SCYL3: variants seen among roughly 807,000 people sequenced by gnomAD.
The protein encoded by SCYL3 is SCY1 like pseudokinase 3.
Under a neutral mutation model 73.8 loss-of-function variants are expected in SCYL3, and 35 were observed. The ratio of observed to expected loss-of-function variants is 0.47; its 90% CI spans 0.36 to 0.63. The LOEUF (loss-of-function observed/expected upper bound fraction) is 0.63. SCYL3 is among the 20% of genes least tolerant of loss of function. SCYL3 has a pLI of 0.00. For synonymous variants in SCYL3, 277 were observed against 295.2 expected (o/e 0.94, Z 0.63); for missense variants, 712 against 798.9 (o/e 0.89, Z 1.31).
intron 8 of SCYL3, among the ~76,000 whole-genome samples, chr1:169,864,821 G>T (rs959650458): frequency 6.6e-6 from 1 of 152,152 alleles, no homozygotes; most frequent in Middle Eastern, 3.4e-3. Flanking sequence ...TTAGCCGGGC[G>T]TGGTGGCAGA....
chr1:169,853,200 G>T lies in SCYL3; in HGVS notation c.*513C>A, dbSNP rs1311621061. 7.0e-6 allele frequency: 4 copies of T among 574,822 alleles called. No homozygotes were observed. The highest frequency in any genetic ancestry group is 6.1e-6 in the Non-Finnish European group (2 of 325,328). 35.6% of individuals were successfully genotyped at this position (574,822 alleles called of 1,614,324 possible). A position where few individuals can be genotyped will look rare whatever the true frequency, so the allele number is the denominator to read the frequency against. ...TGTGGAACAGTCAGGAACTGCCTAG[G>T]TCCACAAAGAACCATTTACTCAGAT... On this transcript the variant is annotated 3_prime_UTR_variant, in exon 13 of 13. Transcript: ENST00000367771.
intron 1 of SCYL3, among the ~76,000 whole-genome samples, chr1:169,891,778 A>T (rs1049329916): frequency 4.6e-5 from 7 of 152,266 alleles, no homozygotes; most frequent in African/African-American, 1.7e-4. Context: ...ACCAGAGGCA[A>T]GAGAAAGGAA....
At chr1:169,872,508 T>G (rs1660475738) in intron 5 of SCYL3, among the ~76,000 whole-genome samples, 1 of 152,062 alleles carries the variant, frequency 6.6e-6, no homozygotes, top group East Asian at 1.9e-4. Context: ...CCACACAGAG[T>G]TCCTACTGGA....
At chr1:169,882,745 G>A (rs893360738) in intron 2 of SCYL3, among the ~76,000 whole-genome samples, 2 of 152,088 alleles carry the variant, frequency 1.3e-5, no homozygotes, top group African/African-American at 4.8e-5. Context: ...TACTCTGGTG[G>A]GGACTTGGAG....
At chr1:169,881,943 G>A (rs1049233131) in intron 2 of SCYL3, among the ~76,000 whole-genome samples, 1 of 152,214 alleles carries the variant, frequency 6.6e-6, no homozygotes, top group Non-Finnish European at 1.5e-5. Context: ...AGGTGACAGC[G>A]TGCTGGCAGT....
At chr1:169,878,878 A>G (rs1453162007) in intron 2 of SCYL3, 59 bp from the exon 3 acceptor site, 17 of 1,438,164 alleles carry the variant, frequency 1.2e-5, no homozygotes, top group Middle Eastern at 1.9e-4. Context: ...TTATAGTTTC[A>G]TATACATTAT....
intron 5 of SCYL3, among the ~76,000 whole-genome samples, chr1:169,872,040 T>C (rs1660441527): frequency 6.6e-6 from 1 of 152,200 alleles, no homozygotes; most frequent in African/African-American, 2.4e-5. Flanking sequence ...CTGCAGAAGT[T>C]TGCATAAGTA....
intron 3 of SCYL3, among the ~76,000 whole-genome samples, chr1:169,876,845 C>T (rs779014209): frequency 1.3e-5 from 2 of 151,180 alleles, no homozygotes; most frequent in Non-Finnish European, 2.9e-5. Flanking sequence ...GTCCCAGCTA[C>T]TCGGGAGGCT....
At chr1:169,867,211 T>C (rs763909356) in intron 7 of SCYL3, among the ~76,000 whole-genome samples, 2 of 152,246 alleles carry the variant, frequency 1.3e-5, no homozygotes, top group Non-Finnish European at 2.9e-5. Context: ...AACACACATA[T>C]GCTAACATGC....
rs903104423 is a variant in SCYL3, at chr1:169,853,178, G to T, written c.*535C>A. On this transcript the variant is annotated 3_prime_UTR_variant, in exon 13 of 13. Coordinates refer to ENST00000367771, the MANE Select transcript of SCYL3 (RefSeq NM_020423.7). ...AACTTTGGTACAATGTACTACATGT[G>T]GAACAGTCAGGAACTGCCTAGGTCC... The T allele has an allele frequency of 1.6e-4, 99 of 606,382 alleles. No individual in the cohort carries two copies. The highest frequency in any genetic ancestry group is 2.4e-4 in the Non-Finnish European group (82 of 345,008). The allele number at this position is 606,382 out of a possible 1,614,324, so 37.6% of individuals were successfully genotyped here.
At position 169,854,322 on chromosome 1, in the gene SCYL3, A is replaced by ACAT; in HGVS notation, c.1952_1954dup (p.Asp651dup). ...TGAGGAAAACTGCATCACTGGGGAG[A>ACAT]CATCATCCTTTTTTGGGACCATTTC... On this transcript the variant is annotated inframe_insertion, in exon 12 of 13. Transcript: ENST00000367771. 1.2e-6 allele frequency: 2 copies of ACAT among 1,612,818 alleles called. No individual in the cohort carries two copies. Among genetic ancestry groups the ACAT allele is most frequent in the Non-Finnish European group, 1.7e-6 (2 of 1,179,672 alleles).
chr1:169,893,435 T>C (rs1452507675), intron 1 of SCYL3, among the ~76,000 whole-genome samples: 2 of 151,932 alleles, frequency 1.3e-5, no homozygotes, highest in Non-Finnish European at 2.9e-5. Flanking sequence ...GCGGGGTCAC[T>C]GAAGGGCCGA....
chr1:169,877,532 A>T (rs1026019060), intron 3 of SCYL3, among the ~76,000 whole-genome samples: 16 of 152,232 alleles, frequency 1.1e-4, no homozygotes, highest in Non-Finnish European at 4.4e-5. Flanking sequence ...CCAAAAGATA[A>T]ATATTTTTTA....
chr1:169,850,060 T>C lies in SCYL3; in HGVS notation c.*3653A>G. 1 of 566,944 alleles carries C rather than the reference T, an allele frequency of 1.8e-6. No homozygotes were observed. Among genetic ancestry groups the C allele is most frequent in the Non-Finnish European group, 3.1e-6 (1 of 318,602 alleles). The allele number at this position is 566,944 out of a possible 1,614,324, so 35.1% of individuals were successfully genotyped here. Reference sequence around the variant, plus strand: ...CATTAGTATGACCCAGCAGAAGTAATTAAAGCTTACAACACTTGTACAGAA... The same window carrying C: ...CATTAGTATGACCCAGCAGAAGTAACTAAAGCTTACAACACTTGTACAGAA... On this transcript the variant is annotated 3_prime_UTR_variant, in exon 13 of 13. Coordinates refer to ENST00000367771, the MANE Select transcript of SCYL3 (RefSeq NM_020423.7).
Position 169,851,568 on chromosome 1 carries a change from T to G in SCYL3, c.*2145A>C. 1 of 492,094 alleles carries G rather than the reference T, an allele frequency of 2.0e-6. No individual in the cohort carries two copies. Among genetic ancestry groups the G allele is most frequent in the Non-Finnish European group, 3.6e-6 (1 of 279,004 alleles). The allele number at this position is 492,094 out of a possible 1,614,324, so 30.5% of individuals were successfully genotyped here. ...CTGCTGTTGCCAGTTTCTTAGCTTA[T>G]ACAGTAAAGGTTAGCAGACTATCAT... is the stretch of plus-strand genomic sequence containing the variant. On this transcript the variant is annotated 3_prime_UTR_variant, in exon 13 of 13. Coordinates refer to ENST00000367771, the MANE Select transcript of SCYL3 (RefSeq NM_020423.7).
intron 1 of SCYL3, among the ~76,000 whole-genome samples, chr1:169,890,194 C>T (rs1013365988): frequency 6.6e-6 from 1 of 152,198 alleles, no homozygotes; most frequent in Non-Finnish European, 1.5e-5. Context: ...TGCCACTTAT[C>T]GTGAGGAACC....
chr1:169,855,282 A>G (rs1427137281), intron 11 of SCYL3, among the ~76,000 whole-genome samples: 1 of 152,236 alleles, frequency 6.6e-6, no homozygotes, highest in Non-Finnish European at 1.5e-5. Context: ...AGGCAGTGTT[A>G]TCCTTGGGAT....
chr1:169,876,781 G>A (rs763601213), intron 3 of SCYL3, among the ~76,000 whole-genome samples: 5 of 151,532 alleles, frequency 3.3e-5, no homozygotes, highest in African/African-American at 1.2e-4. Context: ...CGGTGAAACC[G>A]CGTCTCTACG....
Position 169,880,561 on chromosome 1 carries a change from T to A in SCYL3, c.166-1742A>T, listed in dbSNP as rs377124600. On this transcript the variant is annotated intron_variant, in intron 2 of 12. Transcript: ENST00000367771. ...ATACTGTATCTAAGCAAAAGTAACC[T>A]TCAGAGGAAAAGGCAAAATAAAAGC... Among the ~76,000 whole-genome samples the A allele has an allele frequency of 2.4e-3, 218 of 91,056 alleles. 22 individuals are homozygous for A. Among genetic ancestry groups the A allele is most frequent in the African/African-American group, 7.2e-3 (205 of 28,604 alleles). 59.7% of individuals were successfully genotyped at this position (91,056 alleles called of 152,430 possible).
Sources: allele counts gnomAD v4.1 joint callset (sites outside exome capture counted in the v4.1 genomes callset), GRCh38; gene constraint gnomAD v4.1.1; transcripts MANE v1.5; gene names NCBI Gene and HGNC (gene_info 2026-07-23, HGNC 2026-07-21).